ANKRD12: variants seen among roughly 807,000 people sequenced by gnomAD.
ANKRD12 encodes ankyrin repeat domain 12, also known as ankyrin repeat domain-containing protein 12.
ANKRD12 carries 85 observed loss-of-function variants against 183.4 expected under a neutral mutation model. The observed-to-expected ratio is 0.46, with a 90% CI of 0.39 to 0.56. The LOEUF (loss-of-function observed/expected upper bound fraction) is 0.56. Among genes scored for constraint, ANKRD12 ranks in the 20% least tolerant of loss-of-function variants. The pLI is 0.00. For missense variants in ANKRD12, 2,405 were observed against 2,357.1 expected (o/e 1.02, Z -0.42); for synonymous variants, 914 against 800.2 (o/e 1.14, Z -2.40).
At chr18:9,245,587 A>G (rs549763021) in intron 8 of ANKRD12, among the ~76,000 whole-genome samples, 1 of 152,360 alleles carries the variant, frequency 6.6e-6, no homozygotes, top group Admixed American at 6.5e-5. Flanking sequence ...TGAGTCGTGA[A>G]TATCTCAGAA....
rs921509888 is a variant in ANKRD12 at position 9,207,986 on chromosome 18, C to T, written c.305-671C>T. 1.8e-4 allele frequency among the ~76,000 whole-genome samples: 28 copies of T among 152,156 alleles called. 1 individual carries two copies. The highest frequency in any genetic ancestry group is 5.8e-4 in the African/African-American group (24 of 41,444). ...TTTCCCAGATAGTTAAATCTGAAAG[C>T]TAACTTGATGATGGGTCAGATCTCT... On this transcript the variant is annotated intron_variant, in intron 4 of 12. Transcript: ENST00000262126.
chr18:9,188,916 T>G (rs954687491), intron 2 of ANKRD12, among the ~76,000 whole-genome samples: 2 of 151,900 alleles, frequency 1.3e-5, no homozygotes, highest in South Asian at 2.1e-4. Context: ...ATTTTGAAAT[T>G]GTTGTGTTTC....
chr18:9,143,578 A>G (rs1161729035), intron 1 of ANKRD12, among the ~76,000 whole-genome samples: 1 of 152,146 alleles, frequency 6.6e-6, no homozygotes, highest in African/African-American at 2.4e-5. Flanking sequence ...CTCCTGCCCC[A>G]GCTCCCCGAG....
chr18:9,225,883 C>T (rs1231577540), intron 8 of ANKRD12, among the ~76,000 whole-genome samples: 4 of 152,000 alleles, frequency 2.6e-5, no homozygotes, highest in Non-Finnish European at 5.9e-5. Flanking sequence ...CTACATTTAA[C>T]AGCTGTTAAT....
intron 3 of ANKRD12, among the ~76,000 whole-genome samples, chr18:9,198,606 G>T (rs537113355): frequency 4.6e-5 from 7 of 152,268 alleles, no homozygotes. Flanking sequence ...CTGGAGTGCA[G>T]TGGTGCCATC....
intron 8 of ANKRD12, among the ~76,000 whole-genome samples, chr18:9,245,358 G>A (rs1231483869): frequency 1.3e-5 from 2 of 151,974 alleles, no homozygotes. Context: ...AGCTGAGGTG[G>A]GAGAATCACT....
At chr18:9,251,467 T>C (rs1332585839) in intron 8 of ANKRD12, among the ~76,000 whole-genome samples, 1 of 152,226 alleles carries the variant, frequency 6.6e-6, no homozygotes, top group Non-Finnish European at 1.5e-5. Flanking sequence ...TGCATTTAAA[T>C]AATAAGATGG....
chr18:9,262,786 CCTTTTTTTTT>C (rs1285342863), intron 9 of ANKRD12, among the ~76,000 whole-genome samples: 14 of 87,932 alleles, frequency 1.6e-4, no homozygotes, highest in Admixed American at 4.1e-4. Flanking sequence ...CCAAGATGTC[CCTTTTTTTTT>C]TTTTTTTTTT....
chr18:9,180,076 T>G (rs1184885129), intron 1 of ANKRD12, among the ~76,000 whole-genome samples: 1 of 152,174 alleles, frequency 6.6e-6, no homozygotes, highest in East Asian at 1.9e-4. Context: ...CAGCTGTAGT[T>G]ATGAATTTAT....
intron 8 of ANKRD12, among the ~76,000 whole-genome samples, chr18:9,245,107 A>G (rs908010275): frequency 6.6e-6 from 1 of 152,046 alleles, no homozygotes; most frequent in African/African-American, 2.4e-5. Flanking sequence ...ATAAACAAAT[A>G]CCATTCCCAA....
At chr18:9,209,774 TAA>T (rs1328192592) in intron 5 of ANKRD12, among the ~76,000 whole-genome samples, 1 of 152,224 alleles carries the variant, frequency 6.6e-6, no homozygotes, top group African/African-American at 2.4e-5. Flanking sequence ...ACTTTGACTT[TAA>T]GTCTGATTTA....
intron 3 of ANKRD12, among the ~76,000 whole-genome samples, chr18:9,204,055 C>G (rs897571559): frequency 1.3e-5 from 2 of 152,156 alleles, no homozygotes; most frequent in African/African-American, 4.8e-5. Context: ...ATGTTGCAGT[C>G]CAAAGTGTTT....
At chr18:9,221,795 G>A in intron 7 of ANKRD12, 57 bp from the exon 8 acceptor site, 4 of 1,559,442 alleles carry the variant, frequency 2.6e-6, no homozygotes, top group Non-Finnish European at 3.5e-6. Flanking sequence ...CAAGAGAATG[G>A]GTGCAGTGAT....
chr18:9,140,384 A>G (rs994304914), intron 1 of ANKRD12, among the ~76,000 whole-genome samples: 19 of 152,090 alleles, frequency 1.2e-4, no homozygotes, highest in Admixed American at 6.5e-5. Context: ...TCTGATCCCC[A>G]CTTAGTTCTA....
intron 12 of ANKRD12, among the ~76,000 whole-genome samples, 160 bp downstream of exon 12, chr18:9,279,804 C>G (rs1238560265): frequency 6.6e-6 from 1 of 151,992 alleles, no homozygotes; most frequent in Non-Finnish European, 1.5e-5. Flanking sequence ...GACCACAAGT[C>G]CATTTTAAGG....
intron 2 of ANKRD12, among the ~76,000 whole-genome samples, chr18:9,192,737 T>C (rs935778662): frequency 7.9e-5 from 12 of 151,864 alleles, no homozygotes; most frequent in Admixed American, 7.9e-4. Flanking sequence ...GGTCTTGCTC[T>C]GCTCTGTCAC....
Position 9,255,746 on chromosome 18 carries a change from CAAATT to C in ANKRD12, c.2483_2487del (p.Ile828ArgfsTer5), listed in dbSNP as rs777905119. ...TAAAGAAAAACCTGAGAAGCGATCT[CAAATT>C]AAAGAAAAGGACATTGAGAAGATGG... is the stretch of plus-strand genomic sequence containing the variant. On this transcript the variant is annotated frameshift_variant, in exon 9 of 13. Transcript: ENST00000262126. LOFTEE classifies it high-confidence loss of function. 8.2e-6 allele frequency: 13 copies of C among 1,583,422 alleles called. No homozygotes were observed. Among genetic ancestry groups the C allele is most frequent in the African/African-American group, 2.8e-5 (2 of 72,582 alleles).
At chr18:9,160,051 C>G (rs1190359722) in intron 1 of ANKRD12, among the ~76,000 whole-genome samples, 3 of 152,012 alleles carry the variant, frequency 2.0e-5, no homozygotes, top group Admixed American at 2.0e-4. Context: ...GGGCAGATCA[C>G]TTGAGCTCAG....
chr18:9,195,726 A>T (rs1023249627), intron 3 of ANKRD12, 28 bp downstream of exon 3: 1 of 1,594,944 alleles, frequency 6.3e-7, no homozygotes, highest in African/African-American at 1.4e-5. Context: ...TCTCTGGTAA[A>T]ATCTTGCCCA....
Sources: allele counts gnomAD v4.1 joint callset (sites outside exome capture counted in the v4.1 genomes callset), GRCh38; gene constraint gnomAD v4.1.1; transcripts MANE v1.5; gene names NCBI Gene and HGNC (gene_info 2026-07-23, HGNC 2026-07-21).